The following FAM162A variants were observed in gnomAD, a reference collection of about 807,000 sequenced individuals.
FAM162A encodes protein FAM162A.
In FAM162A, 23 loss-of-function variants were observed where a neutral mutation model predicts 21.8. The observed-to-expected ratio is 1.05, with a 90% CI of 0.76 to 1.49. FAM162A has a LOEUF of 1.49. Among genes scored for constraint, FAM162A ranks in the 40% most tolerant of loss-of-function variants. The pLI is 0.00. For missense variants in FAM162A, 165 were observed against 186.4 expected, an observed-to-expected ratio of 0.89 and a Z score of 0.67; for synonymous variants, 53 against 61.3, an observed-to-expected ratio of 0.86 and a Z score of 0.64.
At chr3:122,384,386 A>G in intron 1 of FAM162A, 87 bp downstream of exon 1, 1 of 1,456,682 alleles carries the variant, frequency 6.9e-7, no homozygotes, top group Non-Finnish European at 9.4e-7. Flanking sequence ...TGGGCCCCGG[A>G]GTGGCTCCAT....
rs1316361353 is a variant in FAM162A at position 122,410,143 on chromosome 3, A to C, written c.*312A>C. 1.1e-5 allele frequency: 4 copies of C among 370,160 alleles called. No individual in the cohort carries two copies. The highest frequency in any genetic ancestry group is 2.1e-5 in the Non-Finnish European group (4 of 192,356). The allele number at this position is 370,160 out of a possible 1,614,324, so 22.9% of individuals were successfully genotyped here. A position where few individuals can be genotyped will look rare whatever the true frequency, so the allele number is the denominator to read the frequency against. ...TACTTCTCTTCCCATTATCAAAGTA[A>C]CCTCTCCACAGGCGAACTCATTTTG... On this transcript the variant is annotated 3_prime_UTR_variant, in exon 5 of 5. Transcript: ENST00000477892.
intron 3 of FAM162A, among the ~76,000 whole-genome samples, chr3:122,406,997 A>ATT (rs11459889): frequency 0.36 from 52,163 of 145,944 alleles, 9,913 homozygotes; most frequent in East Asian, 0.53. Flanking sequence ...TGCCTTGCCC[A>ATT]TTTTTTTTTT....
chr3:122,401,534 G>T, intron 1 of FAM162A: 1 of 1,271,480 alleles, frequency 7.9e-7, no homozygotes, highest in Non-Finnish European at 1.0e-6. Flanking sequence ...GTGCAATTAT[G>T]AGTAAGTGTA....
At chr3:122,401,311 G>T (rs2075652601) in intron 1 of FAM162A, 1 of 795,320 alleles carries the variant, frequency 1.3e-6, no homozygotes, top group African/African-American at 1.9e-5. Context: ...GTGTGCTTTT[G>T]TTAAACATAT....
Position 122,404,327 on chromosome 3 carries a change from G to T in FAM162A, c.227G>T (p.Arg76Leu), listed in dbSNP as rs149572114. 5 of 1,605,034 alleles carry T rather than the reference G, an allele frequency of 3.1e-6. No homozygotes were observed. Among genetic ancestry groups the T allele is most frequent in the Non-Finnish European group, 4.3e-6 (5 of 1,175,586 alleles). The change falls in exon 3 of 5, where the codon CGC becomes CTC. Residue 76 changes from arginine to leucine, a missense_variant. Arg to Leu is a moderately radical substitution (Grantham distance 102). Coordinates refer to ENST00000477892, the MANE Select transcript of FAM162A (RefSeq NM_014367.4). The stretch of plus-strand genomic sequence containing the variant: ...AAAAAGATCCTCATATGGTCAGGTC[G>T]CTTCAAAAAGGAAGATGAAATCCCA... ...WQKKILIWSG[R>L]FKKEDEIPET...
chr3:122,404,617 T>C (rs559871549), intron 3 of FAM162A, among the ~76,000 whole-genome samples: 1 of 152,358 alleles, frequency 6.6e-6, no homozygotes, highest in Non-Finnish European at 1.5e-5. Flanking sequence ...ATTATTTGAT[T>C]TCATCCCCTG....
intron 1 of FAM162A, among the ~76,000 whole-genome samples, chr3:122,394,139 G>A (rs9878861): frequency 0.35 from 52,700 of 151,838 alleles, 10,250 homozygotes; most frequent in East Asian, 0.56. Context: ...ACTTTTAAAC[G>A]ACCAGATCTC....
intron 1 of FAM162A, among the ~76,000 whole-genome samples, chr3:122,396,062 T>G (rs2075625783): frequency 6.6e-6 from 1 of 152,168 alleles, no homozygotes; most frequent in South Asian, 2.1e-4. Flanking sequence ...ATCACAGACC[T>G]AAATGTTAGA....
rs957362477 is a variant in FAM162A at position 122,411,589 on chromosome 3, C to T, written c.*1758C>T. ...TTTTTTTTTTTGAGACAGTCTTGCA[C>T]TGTCGCCCAGGCTAGAGTGCAGGGC... On this transcript the variant is annotated 3_prime_UTR_variant, in exon 5 of 5. Coordinates refer to ENST00000477892, the MANE Select transcript of FAM162A (RefSeq NM_014367.4). 47 of 150,284 alleles carry T rather than the reference C, an allele frequency of 3.1e-4. No individual in the cohort carries two copies. Among genetic ancestry groups the T allele is most frequent in the African/African-American group, 1.2e-3 (47 of 40,814 alleles). The allele number at this position is 150,284 out of a possible 1,614,324, so 9.3% of individuals were successfully genotyped here. A position where few individuals can be genotyped will look rare whatever the true frequency, so the allele number is the denominator to read the frequency against.
intron 1 of FAM162A, among the ~76,000 whole-genome samples, chr3:122,395,089 CA>C (rs2075621339): frequency 1.3e-5 from 2 of 152,170 alleles, no homozygotes; most frequent in South Asian, 4.1e-4. Flanking sequence ...TAAAAACACT[CA>C]GAAACTATGA....
intron 1 of FAM162A, among the ~76,000 whole-genome samples, chr3:122,386,571 A>AG (rs1368502284): frequency 6.2e-4 from 60 of 96,372 alleles, no homozygotes; most frequent in African/African-American, 3.0e-3. Context: ...AAAAAAAAAA[A>AG]AAAGAAAAGA....
At chr3:122,409,236 G>A (rs192085982) in intron 4 of FAM162A, among the ~76,000 whole-genome samples, 33 of 152,264 alleles carry the variant, frequency 2.2e-4, no homozygotes, top group Admixed American at 1.3e-3. Context: ...ACAGATACTC[G>A]TGGAAATCAT....
At chr3:122,394,461 A>G (rs2075618464) in intron 1 of FAM162A, among the ~76,000 whole-genome samples, 2 of 152,232 alleles carry the variant, frequency 1.3e-5, no homozygotes, top group Non-Finnish European at 2.9e-5. Context: ...AGATAACCAG[A>G]CAGACCTCTG....
At chr3:122,398,468 GATCTA>G (rs2075639335) in intron 1 of FAM162A, among the ~76,000 whole-genome samples, 1 of 152,168 alleles carries the variant, frequency 6.6e-6, no homozygotes, top group African/African-American at 2.4e-5. Context: ...CTTGCTAAAA[GATCTA>G]ATCTAAATCT....
chr3:122,393,314 A>G (rs1462899747), intron 1 of FAM162A, among the ~76,000 whole-genome samples: 2 of 152,046 alleles, frequency 1.3e-5, no homozygotes, highest in Non-Finnish European at 2.9e-5. Flanking sequence ...GAACTCTGGA[A>G]AATTACCAGG....
At chr3:122,395,974 G>A (rs1003064635) in intron 1 of FAM162A, among the ~76,000 whole-genome samples, 4 of 152,088 alleles carry the variant, frequency 2.6e-5, no homozygotes, top group African/African-American at 9.7e-5. Context: ...AGTGGTGCTG[G>A]GAGAACTGGA....
chr3:122,393,755 G>A (rs144644448), intron 1 of FAM162A, among the ~76,000 whole-genome samples: 18 of 152,302 alleles, frequency 1.2e-4, no homozygotes, highest in African/African-American at 3.8e-4. Context: ...GGAATGAGAT[G>A]TCCATCCTGA....
At chr3:122,386,570 A>AAAAAAAAAAG (rs1559998045) in intron 1 of FAM162A, among the ~76,000 whole-genome samples, 1 of 150,574 alleles carries the variant, frequency 6.6e-6, no homozygotes, top group South Asian at 2.1e-4. Flanking sequence ...AAAAAAAAAA[A>AAAAAAAAAAG]AAAAGAAAAG....
intron 1 of FAM162A, among the ~76,000 whole-genome samples, chr3:122,387,538 G>T (rs6788377): frequency 6.6e-6 from 1 of 152,012 alleles, no homozygotes; most frequent in Non-Finnish European, 1.5e-5. Context: ...GACATAGCCA[G>T]TATCCCCTGG....
Sources: allele counts gnomAD v4.1 joint callset (sites outside exome capture counted in the v4.1 genomes callset), GRCh38; gene constraint gnomAD v4.1.1; transcripts MANE v1.5; gene names NCBI Gene and HGNC (gene_info 2026-07-23, HGNC 2026-07-21).